The following GMDS variants were observed in gnomAD, a reference collection of about 807,000 sequenced individuals.
GMDS encodes GDP-mannose 4,6-dehydratase, also known as GDP-mannose 4,6 dehydratase.
A neutral mutation model predicts 49.9 loss-of-function variants in GMDS; 20 were observed. The ratio of observed to expected loss-of-function variants is 0.40; its 90% CI spans 0.28 to 0.58. The LOEUF is 0.58. Among genes scored for constraint, GMDS ranks in the 20% least tolerant of loss-of-function variants. The pLI is 0.42. For synonymous variants in GMDS, 177 were observed against 178.6 expected (o/e 0.99, Z 0.07); for missense variants, 362 against 481.4 (o/e 0.75, Z 2.32).
At chr6:1,965,690 G>A (rs993507632) in intron 4 of GMDS, among the ~76,000 whole-genome samples, 3 of 151,994 alleles carry the variant, frequency 2.0e-5, no homozygotes, top group African/African-American at 4.8e-5. Context: ...AAAATTAGCC[G>A]GCTGTGGTGG....
intron 9 of GMDS, among the ~76,000 whole-genome samples, chr6:1,680,112 C>T (rs189616788): frequency 3.2e-4 from 49 of 152,280 alleles, no homozygotes; most frequent in Non-Finnish European, 4.4e-4. Context: ...TGAAATTACG[C>T]GCACTTTGTA....
intron 4 of GMDS, among the ~76,000 whole-genome samples, chr6:2,025,785 T>C (rs1407165906): frequency 6.6e-6 from 1 of 152,100 alleles, no homozygotes; most frequent in Non-Finnish European, 1.5e-5. Flanking sequence ...ATGTACAGAA[T>C]ACAAAATGGA....
intron 4 of GMDS, among the ~76,000 whole-genome samples, chr6:1,976,764 G>T (rs1373794265): frequency 6.6e-6 from 1 of 152,056 alleles, no homozygotes; most frequent in Non-Finnish European, 1.5e-5. Flanking sequence ...GAAACAAAAG[G>T]TATTCACCAC....
intron 1 of GMDS, among the ~76,000 whole-genome samples, chr6:2,223,421 A>G (rs1306256964): frequency 1.3e-5 from 2 of 151,702 alleles, no homozygotes; most frequent in African/African-American, 4.8e-5. Context: ...ACCATCTGAC[A>G]TGATCAGATG....
intron 7 of GMDS, among the ~76,000 whole-genome samples, chr6:1,890,350 T>C (rs1759813323): frequency 6.6e-6 from 1 of 152,190 alleles, no homozygotes; most frequent in African/African-American, 2.4e-5. Context: ...TTCACGTGCA[T>C]GTCCTTTCAT....
rs1434881703 is a variant in GMDS at position 2,000,000 on chromosome 6, A to ATATAT, written c.346-39039_346-39035dup. The stretch of plus-strand genomic sequence containing the variant: ...TATATATTTTATATATATATATTAT[A>ATATAT]TATATATATTTTTTATATATATATA... On this transcript the variant is annotated intron_variant, in intron 4 of 10. Transcript: ENST00000380815. Among the ~76,000 whole-genome samples the ATATAT allele has an allele frequency of 1.7e-4, 3 of 17,476 alleles. 1 individual carries two copies. Among genetic ancestry groups the ATATAT allele is most frequent in the African/African-American group, 4.9e-4 (3 of 6,114 alleles). 11.5% of individuals were successfully genotyped at this position (17,476 alleles called of 152,430 possible).
At chr6:2,093,968 T>C (rs1773458167) in intron 4 of GMDS, among the ~76,000 whole-genome samples, 1 of 152,206 alleles carries the variant, frequency 6.6e-6, no homozygotes, top group African/African-American at 2.4e-5. Flanking sequence ...CTGTGATAAT[T>C]TCCCAACAAT....
chr6:1,936,638 A>T (rs1166825316), intron 6 of GMDS, among the ~76,000 whole-genome samples: 1 of 152,194 alleles, frequency 6.6e-6, no homozygotes, highest in Non-Finnish European at 1.5e-5. Flanking sequence ...CGTTTAGGTC[A>T]AGCATGGACC....
chr6:2,011,086 AACAAATGTG>A (rs1463355695), intron 4 of GMDS, among the ~76,000 whole-genome samples: 6 of 152,236 alleles, frequency 3.9e-5, no homozygotes, highest in African/African-American at 1.2e-4. Context: ...AGGATCCAAG[AACAAATGTG>A]ACAAATAAAA....
intron 4 of GMDS, among the ~76,000 whole-genome samples, chr6:2,047,649 C>T (rs1381878174): frequency 6.6e-6 from 1 of 152,008 alleles, no homozygotes; most frequent in East Asian, 1.9e-4. Context: ...CCACCTTCCC[C>T]ATCTAATTTT....
intron 7 of GMDS, among the ~76,000 whole-genome samples, chr6:1,905,975 A>T (rs966131791): frequency 2.6e-5 from 4 of 152,148 alleles, no homozygotes; most frequent in African/African-American, 9.7e-5. Context: ...TGACATGCTC[A>T]AATGGAAATG....
chr6:1,760,026 C>T (rs1181258129), intron 7 of GMDS, among the ~76,000 whole-genome samples: 1 of 152,074 alleles, frequency 6.6e-6, no homozygotes, highest in East Asian at 1.9e-4. Flanking sequence ...GGGCTGAGCA[C>T]CCAGGCGTGA....
chr6:2,204,979 T>G (rs931416342), intron 1 of GMDS, among the ~76,000 whole-genome samples: 1 of 152,226 alleles, frequency 6.6e-6, no homozygotes, highest in African/African-American at 2.4e-5. Flanking sequence ...TATGTGTGGT[T>G]TGATGAAGAA....
At chr6:1,737,900 TACACACC>T (rs539792107) in intron 8 of GMDS, among the ~76,000 whole-genome samples, 50 of 112,526 alleles carry the variant, frequency 4.4e-4, no homozygotes, top group East Asian at 2.7e-3. Flanking sequence ...CCCACACACA[TACACACC>T]ACACACCACA....
chr6:1,833,578 T>C lies in GMDS; in HGVS notation c.772-90992A>G, dbSNP rs1756780446. Among the ~76,000 whole-genome samples the C allele has an allele frequency of 6.6e-6, 1 of 152,138 alleles. No individual in the cohort carries two copies. The highest frequency in any genetic ancestry group is 1.5e-5 in the Non-Finnish European group (1 of 68,020). On this transcript the variant is annotated intron_variant, in intron 7 of 10. Transcript: ENST00000380815. The surrounding 1 kb of genome is among the most constrained non-coding windows in gnomAD (Gnocchi z 4.4). ...GGGAACATAACACAAGGTAATTAAA[T>C]TGTAAATTACTTGAGAGAGAAATGT...
chr6:2,150,123 G>A (rs946902315), intron 1 of GMDS, among the ~76,000 whole-genome samples: 5 of 151,968 alleles, frequency 3.3e-5, no homozygotes, highest in African/African-American at 9.7e-5. Flanking sequence ...CATCTAGTAC[G>A]TATTGTGAGA....
intron 7 of GMDS, among the ~76,000 whole-genome samples, chr6:1,822,383 G>T (rs1770937305): frequency 6.6e-6 from 1 of 152,096 alleles, no homozygotes; most frequent in Admixed American, 6.5e-5. Context: ...CATATCCCTG[G>T]TAGTATTGAC....
At position 2,129,388 on chromosome 6, in the gene GMDS, G is replaced by A. The variant is rs528867007; in HGVS notation, c.103-4657C>T. Among the ~76,000 whole-genome samples, 7 of 152,204 alleles carry A rather than the reference G, an allele frequency of 4.6e-5. No individual in the cohort carries two copies. The East Asian group carries it at 5.8e-4, about 13-fold the overall frequency. ...GAATAAGTAGCCCAGACAGACAAAC[G>A]AAAAGGGAACTTTCTTACATGCAAT... is the stretch of plus-strand genomic sequence containing the variant. On this transcript the variant is annotated intron_variant, in intron 1 of 10. Coordinates refer to ENST00000380815, the MANE Select transcript of GMDS (RefSeq NM_001500.4).
rs138146340 is a variant in GMDS, at chr6:2,079,466, A to G, written c.345+36305T>C. ...CTTTATTAGCAGGTTTTACACATTC[A>G]TAAGTTTTCATGATGGTAAATGTAG... On this transcript the variant is annotated intron_variant, in intron 4 of 10. Transcript: ENST00000380815. Among the ~76,000 whole-genome samples, 365 of 152,244 alleles carry G rather than the reference A, an allele frequency of 2.4e-3. 1 individual carries two copies. Among genetic ancestry groups the G allele is most frequent in the African/African-American group, 8.6e-3 (356 of 41,560 alleles).
Sources: allele counts gnomAD v4.1 joint callset (sites outside exome capture counted in the v4.1 genomes callset), GRCh38; gene constraint gnomAD v4.1.1; non-coding constraint Gnocchi (gnomAD v3.1); transcripts MANE v1.5; gene names NCBI Gene and HGNC (gene_info 2026-07-23, HGNC 2026-07-21).